PTGIS: variants seen among roughly 807,000 people sequenced by gnomAD.
PTGIS encodes the protein prostacyclin synthase.
A neutral mutation model predicts 50.3 loss-of-function variants in PTGIS; 45 were observed. The observed-to-expected ratio is 0.90, with a 90% CI of 0.70 to 1.15. PTGIS has a LOEUF of 1.15. Among genes scored for constraint, PTGIS ranks in the 50% most tolerant of loss-of-function variants. PTGIS has a pLI of 0.00. For synonymous variants in PTGIS, 260 were observed against 267.7 expected, an observed-to-expected ratio of 0.97 and a Z score of 0.28; for missense variants, 668 against 661.3, an observed-to-expected ratio of 1.01 and a Z score of -0.11.
At chr20:49,508,625 T>C (rs896664069) in intron 9 of PTGIS, among the ~76,000 whole-genome samples, 1 of 152,228 alleles carries the variant, frequency 6.6e-6, no homozygotes, top group Non-Finnish European at 1.5e-5. Flanking sequence ...CCTCACTGTC[T>C]ATCTTGGCCA....
At chr20:49,551,460 T>A (rs1982504892) in intron 1 of PTGIS, among the ~76,000 whole-genome samples, 1 of 152,192 alleles carries the variant, frequency 6.6e-6, no homozygotes, top group Non-Finnish European at 1.5e-5. Context: ...TGCAACCAAT[T>A]GCCAATCAGA....
chr20:49,513,392 CA>C, intron 7 of PTGIS, 131 bp from the exon 8 acceptor site: 3 of 1,023,352 alleles, frequency 2.9e-6, no homozygotes, highest in Non-Finnish European at 2.9e-6. Context: ...CACACAGTCA[CA>C]TAGCAAGGTG....
Position 49,539,730 on chromosome 20 carries a change from G to C in PTGIS, c.522-9C>G. The C allele has an allele frequency of 1.2e-6, 2 of 1,608,400 alleles. No individual in the cohort carries two copies. The highest frequency in any genetic ancestry group is 2.2e-5 in the East Asian group (1 of 44,844). On this transcript the variant is annotated splice_polypyrimidine_tract_variant and intron_variant, in intron 4 of 9. Coordinates refer to ENST00000244043, the MANE Select transcript of PTGIS (RefSeq NM_000961.4). ...GAGTCAGGTAGCCGGCTCTGGGGGC[G>C]GCAGACAGAGGGTCAGGGGTCCTCC...
intron 5 of PTGIS, among the ~76,000 whole-genome samples, chr20:49,536,259 C>T (rs1982065326): frequency 6.6e-6 from 1 of 152,150 alleles, no homozygotes; most frequent in Non-Finnish European, 1.5e-5. Flanking sequence ...ACCTGTAACT[C>T]TGAATTGTTA....
At chr20:49,525,177 CG>C (rs1173546530) in intron 5 of PTGIS, among the ~76,000 whole-genome samples, 4 of 152,202 alleles carry the variant, frequency 2.6e-5, no homozygotes, top group African/African-American at 9.7e-5. Context: ...AAAAGAGAGA[CG>C]GGCCAGAAAG....
chr20:49,519,276 T>C (rs1013044819), intron 6 of PTGIS, among the ~76,000 whole-genome samples: 2 of 151,926 alleles, frequency 1.3e-5, no homozygotes, highest in African/African-American at 4.8e-5. Flanking sequence ...GGTTCAGGGG[T>C]TCTGGATTCA....
intron 5 of PTGIS, among the ~76,000 whole-genome samples, chr20:49,538,210 G>T (rs201756947): frequency 1.5e-5 from 2 of 136,682 alleles, no homozygotes; most frequent in Non-Finnish European, 3.0e-5. Context: ...AGCCGAGATC[G>T]CACCACTGCA....
chr20:49,560,313 C>A (rs1982737696), intron 1 of PTGIS, among the ~76,000 whole-genome samples: 3 of 152,138 alleles, frequency 2.0e-5, no homozygotes, highest in Admixed American at 2.0e-4. Context: ...AATCCTCCAG[C>A]CTCAGCCTCC....
intron 5 of PTGIS, among the ~76,000 whole-genome samples, chr20:49,536,605 C>T (rs1982083407): frequency 6.6e-6 from 1 of 151,456 alleles, no homozygotes; most frequent in Non-Finnish European, 1.5e-5. Flanking sequence ...CTCAGCTTCC[C>T]GGGTAGCTGA....
chr20:49,564,040 G>T lies in PTGIS; in HGVS notation c.74+4003C>A, dbSNP rs552520376. Reference sequence around the variant, plus strand: ...AAGGCAAATCAATTAGTTTCAAGGGGCCCACAAGCCATACTCCTAACTCTC... The same window carrying T: ...AAGGCAAATCAATTAGTTTCAAGGGTCCCACAAGCCATACTCCTAACTCTC... On this transcript the variant is annotated intron_variant, in intron 1 of 9. Transcript: ENST00000244043. Among the ~76,000 whole-genome samples, 20 of 152,248 alleles carry T rather than the reference G, an allele frequency of 1.3e-4. No homozygotes were observed. The South Asian group carries it at 3.7e-3, about 28-fold the overall frequency.
intron 1 of PTGIS, among the ~76,000 whole-genome samples, chr20:49,552,858 GA>G (rs916028161): frequency 2.0e-5 from 3 of 151,616 alleles, no homozygotes; most frequent in Admixed American, 1.3e-4. Flanking sequence ...TATAACAGGA[GA>G]AAAAAAGGGG....
chr20:49,514,468 G>T, intron 6 of PTGIS, 73 bp from the exon 7 acceptor site: 4 of 1,551,996 alleles, frequency 2.6e-6, no homozygotes, highest in Non-Finnish European at 2.6e-6. Flanking sequence ...GACACAGCTC[G>T]GGCCAAGACA....
At chr20:49,552,084 C>T (rs1160337174) in intron 1 of PTGIS, among the ~76,000 whole-genome samples, 1 of 152,046 alleles carries the variant, frequency 6.6e-6, no homozygotes, top group African/African-American at 2.4e-5. Context: ...CCTTATGAAA[C>T]CCTAAGAGTG....
At chr20:49,510,545 T>C (rs1601176120) in intron 9 of PTGIS, among the ~76,000 whole-genome samples, 1 of 152,052 alleles carries the variant, frequency 6.6e-6, no homozygotes, top group African/African-American at 2.4e-5. Context: ...ACAGGGCAGA[T>C]GTCATAACCC....
intron 5 of PTGIS, among the ~76,000 whole-genome samples, chr20:49,527,369 A>C (rs929976117): frequency 6.6e-6 from 1 of 152,114 alleles, no homozygotes; most frequent in African/African-American, 2.4e-5. Flanking sequence ...AGGCACAAGA[A>C]TAGCTTGAAC....
In PTGIS at chr20:49,540,790, G is replaced by T. The variant is rs911563597; in HGVS notation, c.522-1069C>A. ...TGACCTCAGTCCTGGGAGGGAAACT[G>T]CAGGCTTTCATTTTGTCATCTCTGC... On this transcript the variant is annotated intron_variant, in intron 4 of 9. Coordinates refer to ENST00000244043, the MANE Select transcript of PTGIS (RefSeq NM_000961.4). This position sits in a 1 kb window ranked among gnomAD's most constrained non-coding sequence, Gnocchi z 4.8. Among the ~76,000 whole-genome samples the T allele has an allele frequency of 2.0e-5, 3 of 152,174 alleles. No homozygotes were observed.
intron 9 of PTGIS, among the ~76,000 whole-genome samples, chr20:49,509,435 C>T (rs1269253347): frequency 3.3e-5 from 5 of 152,220 alleles, no homozygotes; most frequent in African/African-American, 1.2e-4. Flanking sequence ...CCCGCTATCT[C>T]TTTTTATCTG....
chr20:49,525,835 C>T lies in PTGIS; in HGVS notation c.674-1596G>A, dbSNP rs773814924. Reference sequence around the variant, plus strand: ...CCACAAGCCGTGTTTCAGGAAGACTCGCCCCACCAGCGATTCTAAACCTGG... The same window carrying T: ...CCACAAGCCGTGTTTCAGGAAGACTTGCCCCACCAGCGATTCTAAACCTGG... On this transcript the variant is annotated intron_variant, in intron 5 of 9. Coordinates refer to ENST00000244043, the MANE Select transcript of PTGIS (RefSeq NM_000961.4). Among the ~76,000 whole-genome samples, 99 of 152,232 alleles carry T rather than the reference C, an allele frequency of 6.5e-4. 1 individual carries two copies. The highest frequency in any genetic ancestry group is 3.5e-4 in the Non-Finnish European group (24 of 68,000).
intron 6 of PTGIS, 50 bp from the exon 7 acceptor site, chr20:49,514,445 C>T (rs7274202): frequency 0.24 from 386,860 of 1,595,928 alleles, 48,135 homozygotes; most frequent in Middle Eastern, 0.36. Flanking sequence ...AGAGCTGACT[C>T]GTCTCTGCCA....
Sources: gnomAD v4.1 joint callset for allele counts (sites outside exome capture counted in the v4.1 genomes callset) on GRCh38, gnomAD v4.1.1 for gene constraint, Gnocchi (gnomAD v3.1) non-coding constraint, MANE v1.5 for transcripts, NCBI Gene and HGNC (gene_info 2026-07-23, HGNC 2026-07-21) for gene names.